Variants in LYPD4 observed in about 807,000 individuals in gnomAD.
The protein encoded by LYPD4 is ly6/PLAUR domain-containing protein 4.
LYPD4 carries 20 observed loss-of-function variants against 18.2 expected under a neutral mutation model. The ratio of observed to expected loss-of-function variants is 1.10; its 90% CI spans 0.77 to 1.59. LYPD4 has a LOEUF of 1.59. LYPD4 is among the 40% of genes most tolerant of loss of function. LYPD4 has a pLI of 0.00. For synonymous variants in LYPD4, 111 were observed against 118.3 expected (o/e 0.94, Z 0.40); for missense variants, 278 against 300.3 (o/e 0.93, Z 0.55).
downstream of LYPD4, chr19:41,835,915 G>C (rs2073365208): frequency 1.2e-6 from 1 of 812,546 alleles, no homozygotes; most frequent in Non-Finnish European, 1.5e-6. Flanking sequence ...TTGTAGTAAG[G>C]ATGAACGAGG....
Position 41,838,227 on chromosome 19 carries a change from G to A in LYPD4, c.246C>T (p.Cys82=), listed in dbSNP as rs1194724069. 1.9e-6 allele frequency: 3 copies of A among 1,542,966 alleles called. No homozygotes were observed. The highest frequency in any genetic ancestry group is 2.6e-6 in the Non-Finnish European group (3 of 1,143,296). The stretch of plus-strand genomic sequence containing the variant: ...GCGCAGGGTAAGACGAAGACGAGCT[G>A]CAGCCTTTAAAGCCCACGACTCCCC... ...TARGVVGFKG[C]SSSSSYPAQI... Residue 82 remains cysteine, a synonymous_variant, in exon 4 of 5, where the codon TGC becomes TGT. Transcript: ENST00000609812.
downstream of LYPD4, among the ~76,000 whole-genome samples, chr19:41,836,848 C>T (rs986867491): frequency 6.6e-6 from 1 of 152,046 alleles, no homozygotes; most frequent in African/African-American, 2.4e-5. Context: ...AGAGATTTGG[C>T]CAGGGTCTCG....
chr19:41,843,702 G>C lies in LYPD4; in HGVS notation c.-245C>G, dbSNP rs782449301. ...CTGTAACCCAGAAATCTGTGGCCAA[G>C]AAAGGTGCCAAGACCCGCAGAAAAG... On this transcript the variant is annotated 5_prime_UTR_variant, in exon 1 of 5. Transcript: ENST00000609812. 6.6e-6 allele frequency: 1 copy of C among 151,984 alleles called. No homozygotes were observed. The highest frequency in any genetic ancestry group is 2.4e-5 in the African/African-American group (1 of 41,310). 9.4% of individuals were successfully genotyped at this position (151,984 alleles called of 1,614,324 possible). A position where few individuals can be genotyped will look rare whatever the true frequency, so the allele number is the denominator to read the frequency against.
Position 41,837,122 on chromosome 19 carries a change from T to C in LYPD4, c.*21A>G. The stretch of plus-strand genomic sequence containing the variant: ...TTGTTATGTGAAAGAGTCTGGGTGC[T>C]TGTCGGGTGCAGCTAGATGGTCAGT... On this transcript the variant is annotated 3_prime_UTR_variant, in exon 5 of 5. Transcript: ENST00000609812. 2 of 1,613,488 alleles carry C rather than the reference T, an allele frequency of 1.2e-6. No homozygotes were observed. The highest frequency in any genetic ancestry group is 1.7e-6 in the Non-Finnish European group (2 of 1,179,768).
intron 1 of LYPD4, among the ~76,000 whole-genome samples, chr19:41,841,280 G>C (rs1555833337): frequency 1.3e-5 from 2 of 151,706 alleles, no homozygotes; most frequent in African/African-American, 4.8e-5. Context: ...CCAGTGCTTT[G>C]GGAGGCTGAG....
intron 1 of LYPD4, 141 bp from the exon 2 acceptor site, chr19:41,839,546 C>T (rs923528459): frequency 2.0e-6 from 1 of 510,226 alleles, no homozygotes; most frequent in African/African-American, 1.9e-5. Flanking sequence ...AAGCAGGACT[C>T]TCACTCTCCC....
At chr19:41,839,532 C>T (rs1172129418) in intron 1 of LYPD4, 127 bp from the exon 2 acceptor site, 26 of 529,950 alleles carry the variant, frequency 4.9e-5, no homozygotes, top group South Asian at 1.5e-4. Context: ...ATCTTAGCTT[C>T]TCAAAGCAGG....
At chr19:41,843,515 T>C (rs1555834246) in intron 1 of LYPD4, 63 bp downstream of exon 1, 1 of 151,908 alleles carries the variant, frequency 6.6e-6, no homozygotes, top group African/African-American at 2.4e-5. Context: ...TTCAACCTCT[T>C]TAGCTGGCCT....
downstream of LYPD4, among the ~76,000 whole-genome samples, chr19:41,836,762 T>G (rs573870544): frequency 1.5e-4 from 22 of 150,642 alleles, no homozygotes; most frequent in Admixed American, 2.6e-4. Context: ...AAAAAAGAAT[T>G]GGCCTGAGGA....
At position 41,844,500 on chromosome 19, in the gene LYPD4, C is replaced by T. The variant is rs192729962; in HGVS notation, c.-1043G>A. The T allele has an allele frequency of 1.6e-3, 242 of 152,364 alleles. 1 individual carries two copies. The highest frequency in any genetic ancestry group is 3.0e-3 in the Non-Finnish European group (203 of 68,094). The allele number at this position is 152,364 out of a possible 1,614,324, so 9.4% of individuals were successfully genotyped here. ...AGGAAGGAGGGCCCGGTAAGCAACCCGGTAATCACAGCGCTGGGAGAGAAC... is the reference window on the plus strand; with the variant it reads ...AGGAAGGAGGGCCCGGTAAGCAACCTGGTAATCACAGCGCTGGGAGAGAAC... On this transcript the variant is annotated 5_prime_UTR_variant, in exon 1 of 5. Transcript: ENST00000609812.
At chr19:41,836,326 A>C (rs957210846), downstream of LYPD4, among the ~76,000 whole-genome samples, 4 of 133,664 alleles carry the variant, frequency 3.0e-5, no homozygotes, top group Admixed American at 8.0e-5. Flanking sequence ...AAAAAAAAAA[A>C]ACAACTACTG....
rs869092949 is a variant in LYPD4 at position 41,843,906 on chromosome 19, C to CAAAAAA, written c.-455_-450dup. 15 of 37,574 alleles carry CAAAAAA rather than the reference C, an allele frequency of 4.0e-4. 1 individual carries two copies. Among genetic ancestry groups the CAAAAAA allele is most frequent in the African/African-American group, 1.8e-3 (10 of 5,654 alleles). The allele number at this position is 37,574 out of a possible 1,614,324, so 2.3% of individuals were successfully genotyped here. A position where few individuals can be genotyped will look rare whatever the true frequency, so the allele number is the denominator to read the frequency against. ...AAAAGATTGAAGTGAAATCCTCAAG[C>CAAAAAA]AAAAAAAAAAAAAAAAAAAAAAAAA... On this transcript the variant is annotated 5_prime_UTR_variant, in exon 1 of 5. Coordinates refer to ENST00000609812, the MANE Select transcript of LYPD4 (RefSeq NM_173506.7).
chr19:41,838,859 G>A (rs1203744913), intron 3 of LYPD4, 22 bp downstream of exon 3: 2 of 1,611,812 alleles, frequency 1.2e-6, no homozygotes, highest in African/African-American at 1.3e-5. Context: ...AAACGAAATT[G>A]ATCAAACTTA....
chr19:41,836,275 T>C (rs1434923608), downstream of LYPD4, among the ~76,000 whole-genome samples: 2 of 78,120 alleles, frequency 2.6e-5, no homozygotes, highest in African/African-American at 4.4e-5. Context: ...TCTCCCCTAT[T>C]TGCCAACTTA....
At position 41,838,903 on chromosome 19, in the gene LYPD4, C is replaced by T. The variant is rs2073474296; in HGVS notation, c.189G>A (p.Glu63=). 3 of 1,613,862 alleles carry T rather than the reference C, an allele frequency of 1.9e-6. No homozygotes were observed. Among genetic ancestry groups the T allele is most frequent in the Non-Finnish European group, 2.5e-6 (3 of 1,180,028 alleles). The part of the protein sequence containing the change: ...MVCKLQEGCE[E]TLVFIETGTA... ...CACCTGTCTCAATGAACACTAGCGT[C>T]TCCTCGCAGCCCTCTTGCAGCTTAC... is the stretch of plus-strand genomic sequence containing the variant. Residue 63 remains glutamate, a synonymous_variant, in exon 3 of 5, where the codon GAG becomes GAA. Transcript: ENST00000609812.
At chr19:41,837,863 T>G in intron 4 of LYPD4, 72 bp downstream of exon 4, 358 of 1,392,704 alleles carry the variant, frequency 2.6e-4, no homozygotes, top group Non-Finnish European at 3.2e-4. Flanking sequence ...CCAGCCTCTC[T>G]GAGATGTGAA....
At chr19:41,838,783 T>C in intron 3 of LYPD4, 98 bp downstream of exon 3, 2 of 993,582 alleles carry the variant, frequency 2.0e-6, no homozygotes, top group Non-Finnish European at 3.0e-6. Context: ...GTATAGTAAC[T>C]ATGTGGAATT....
chr19:41,842,441 T>G (rs2073625093), intron 1 of LYPD4, among the ~76,000 whole-genome samples: 1 of 150,550 alleles, frequency 6.6e-6, no homozygotes, highest in African/African-American at 2.4e-5. Context: ...CACGCAGGAG[T>G]TGGAAGAAGT....
chr19:41,835,490 G>C (rs1209140702), downstream of LYPD4: 2 of 152,212 alleles, frequency 1.3e-5, no homozygotes, highest in Non-Finnish European at 2.9e-5. Flanking sequence ...AGTATGTCTT[G>C]GCCCACCCAG....
Sources: gnomAD v4.1 joint callset for allele counts (sites outside exome capture counted in the v4.1 genomes callset) on GRCh38, gnomAD v4.1.1 for gene constraint, MANE v1.5 for transcripts, NCBI Gene and HGNC (gene_info 2026-07-23, HGNC 2026-07-21) for gene names.